Variants in RYK observed in about 807,000 individuals in gnomAD.
The protein encoded by RYK is inactive tyrosine-protein kinase RYK.
RYK carries 21 observed loss-of-function variants against 70.2 expected under a neutral mutation model. The observed-to-expected ratio is 0.30, with a 90% CI of 0.21 to 0.43. RYK has a LOEUF of 0.43. Among genes scored for constraint, RYK ranks in the 20% least tolerant of loss-of-function variants. The probability of loss-of-function intolerance (pLI) is 1.00; values close to 1 mark genes in which losing one functional copy is unlikely to be tolerated. For synonymous variants in RYK, 267 were observed against 278.0 expected (o/e 0.96, Z 0.39); for missense variants, 604 against 753.3 (o/e 0.80, Z 2.32).
At chr3:134,194,733 GTC>G (rs1337602506) in intron 7 of RYK, among the ~76,000 whole-genome samples, 1 of 152,146 alleles carries the variant, frequency 6.6e-6, no homozygotes, top group Middle Eastern at 3.2e-3. Flanking sequence ...ACAGTCTAAA[GTC>G]TCTGTCTTTA....
At chr3:134,203,193 C>T (rs1038855880) in intron 5 of RYK, among the ~76,000 whole-genome samples, 9 of 152,062 alleles carry the variant, frequency 5.9e-5, no homozygotes, top group African/African-American at 9.7e-5. Context: ...ACTAAAAGTA[C>T]GAAAATTAGC....
At chr3:134,158,958 C>T (rs534635668) in intron 14 of RYK, among the ~76,000 whole-genome samples, 56 of 152,252 alleles carry the variant, frequency 3.7e-4, no homozygotes, top group Non-Finnish European at 6.6e-4. Flanking sequence ...GAATAACTGA[C>T]GTAGCATTCA....
At chr3:134,177,861 T>A (rs963479649) in intron 11 of RYK, 80 bp downstream of exon 11, 1 of 1,236,424 alleles carries the variant, frequency 8.1e-7, no homozygotes, top group African/African-American at 1.5e-5. Flanking sequence ...AGTTTATATT[T>A]AAGAATGTTA....
rs188370880 is a variant in RYK at position 134,187,449 on chromosome 3, T to C, written c.1102+1388A>G. Reference sequence around the variant, plus strand: ...AATTTGTTTTTAGATATTATTAGCATGTCTTCTCAATTTACATCAGACCTG... The same window carrying C: ...AATTTGTTTTTAGATATTATTAGCACGTCTTCTCAATTTACATCAGACCTG... On this transcript the variant is annotated intron_variant, in intron 9 of 14. Transcript: ENST00000623711. Among the ~76,000 whole-genome samples the C allele has an allele frequency of 2.3e-3, 344 of 152,316 alleles. 1 individual carries two copies. Among genetic ancestry groups the C allele is most frequent in the African/African-American group, 7.7e-3 (320 of 41,570 alleles).
intron 1 of RYK, among the ~76,000 whole-genome samples, chr3:134,234,846 T>A (rs2015160545): frequency 6.6e-6 from 1 of 152,054 alleles, no homozygotes; most frequent in Non-Finnish European, 1.5e-5. Flanking sequence ...TATAAAGAAT[T>A]TTAAAAACCA....
chr3:134,220,069 G>C (rs958604539), intron 2 of RYK, among the ~76,000 whole-genome samples: 2 of 152,218 alleles, frequency 1.3e-5, no homozygotes, highest in Non-Finnish European at 2.9e-5. Context: ...GGGAAGGACA[G>C]CACCTTTGTG....
At chr3:134,181,555 T>C (rs1241180273) in intron 10 of RYK, 1 of 152,182 alleles carries the variant, frequency 6.6e-6, no homozygotes, top group African/African-American at 2.4e-5. Flanking sequence ...ATAACTAAAT[T>C]TAAAAGTAAG....
At chr3:134,182,665 C>G (rs1352987500) in intron 10 of RYK, among the ~76,000 whole-genome samples, 6 of 152,082 alleles carry the variant, frequency 3.9e-5, no homozygotes, top group Non-Finnish European at 7.4e-5. Context: ...TCAAAAATCT[C>G]ATAACAAATA....
At chr3:134,230,548 T>C (rs1317944540) in intron 1 of RYK, among the ~76,000 whole-genome samples, 2 of 152,256 alleles carry the variant, frequency 1.3e-5, no homozygotes, top group African/African-American at 4.8e-5. Flanking sequence ...ACTGTATGAG[T>C]GAAAGAAACT....
intron 1 of RYK, among the ~76,000 whole-genome samples, chr3:134,237,574 A>C (rs1163833232): frequency 2.6e-5 from 4 of 152,232 alleles, no homozygotes; most frequent in Non-Finnish European, 2.9e-5. Flanking sequence ...AAGTGATGTC[A>C]TAGAAAGAGA....
chr3:134,244,661 C>T (rs1267286198), intron 1 of RYK, among the ~76,000 whole-genome samples: 1 of 152,194 alleles, frequency 6.6e-6, no homozygotes, highest in Non-Finnish European at 1.5e-5. Flanking sequence ...CTGAAGCTTT[C>T]GGTGTTTCAG....
chr3:134,214,037 C>G (rs1242329098), intron 2 of RYK, among the ~76,000 whole-genome samples: 11 of 152,024 alleles, frequency 7.2e-5, no homozygotes, highest in African/African-American at 2.7e-4. Flanking sequence ...GAACTCCTGG[C>G]CCCAAGTGAT....
chr3:134,174,000 T>A (rs1415457217), intron 13 of RYK, among the ~76,000 whole-genome samples: 2 of 152,176 alleles, frequency 1.3e-5, no homozygotes, highest in Non-Finnish European at 2.9e-5. Context: ...TGATTAAGGA[T>A]CTTGAGAGGA....
chr3:134,183,565 C>T (rs2108158147), intron 9 of RYK, among the ~76,000 whole-genome samples: 1 of 152,270 alleles, frequency 6.6e-6, no homozygotes, highest in Middle Eastern at 3.4e-3. Flanking sequence ...AATTCCACTA[C>T]CTACTATTAA....
In RYK at chr3:134,250,843, G is replaced by C. The variant is rs1192640568; in HGVS notation, c.-189C>G. On this transcript the variant is annotated 5_prime_UTR_variant, in exon 1 of 15. Coordinates refer to ENST00000623711, the MANE Select transcript of RYK (RefSeq NM_002958.4). ...GCCGCCGCCGCCTCCTCGCTGCATC[G>C]TCCGGAGTTGGGGGCTGCCCGCGGG... 42 of 162,154 alleles carry C rather than the reference G, an allele frequency of 2.6e-4. No homozygotes were observed. The highest frequency in any genetic ancestry group is 3.1e-4 in the Non-Finnish European group (24 of 77,196). 10.0% of individuals were successfully genotyped at this position (162,154 alleles called of 1,614,324 possible).
intron 2 of RYK, among the ~76,000 whole-genome samples, chr3:134,219,379 A>G (rs2014663264): frequency 6.6e-6 from 1 of 152,182 alleles, no homozygotes; most frequent in South Asian, 2.1e-4. Context: ...TATTTTGTTC[A>G]GTCCTGACTG....
chr3:134,211,257 G>A (rs2014382879), intron 3 of RYK, among the ~76,000 whole-genome samples: 1 of 152,244 alleles, frequency 6.6e-6, no homozygotes, highest in African/African-American at 2.4e-5. Flanking sequence ...AGGGACTCAT[G>A]TGGAGGTAAG....
chr3:134,203,181 C>A (rs2014083276), intron 5 of RYK, among the ~76,000 whole-genome samples: 1 of 152,172 alleles, frequency 6.6e-6, no homozygotes, highest in African/African-American at 2.4e-5. Flanking sequence ...AACCCCGCCT[C>A]TACTAAAAGT....
chr3:134,246,301 A>ACAC (rs2015462903), intron 1 of RYK, among the ~76,000 whole-genome samples: 3 of 103,664 alleles, frequency 2.9e-5, no homozygotes, highest in African/African-American at 7.9e-5. Context: ...CTCAGAAAGA[A>ACAC]ATACACACAC....
Sources: allele counts gnomAD v4.1 joint callset (sites outside exome capture counted in the v4.1 genomes callset), GRCh38; gene constraint gnomAD v4.1.1; transcripts MANE v1.5; gene names NCBI Gene and HGNC (gene_info 2026-07-23, HGNC 2026-07-21).